The following DENND2B variants were observed in gnomAD, a reference collection of about 807,000 sequenced individuals.
DENND2B encodes the protein DENN domain containing 2B, also known as DENN domain-containing protein 2B.
DENND2B carries 32 observed loss-of-function variants against 116.0 expected under a neutral mutation model. That is an observed-to-expected ratio of 0.28 (90% CI 0.21 to 0.37). DENND2B has a LOEUF of 0.37. Ranked by LOEUF, DENND2B falls within the 10% of genes least tolerant of loss-of-function variation. The pLI is 1.00. For missense variants in DENND2B, 1,276 were observed against 1,477.7 expected (o/e 0.86, Z 2.24); for synonymous variants, 588 against 583.9 (o/e 1.01, Z -0.10).
chr11:8,702,837 T>C lies in DENND2B; in HGVS notation c.2572-117A>G. Reference sequence around the variant, plus strand: ...TCCAACCTGCTCTTTTCCAGGTCTCTCGTCTACCCTGCTATGCAGTAAACC... The same window carrying C: ...TCCAACCTGCTCTTTTCCAGGTCTCCCGTCTACCCTGCTATGCAGTAAACC... On this transcript the variant is annotated intron_variant, in intron 13 of 19. Transcript: ENST00000313726. The surrounding 1 kb of genome is among the most constrained non-coding windows in gnomAD (Gnocchi z 4.6). 2 of 1,295,200 alleles carry C rather than the reference T, an allele frequency of 1.5e-6. No homozygotes were observed. Among genetic ancestry groups the C allele is most frequent in the Non-Finnish European group, 2.1e-6 (2 of 941,464 alleles). The allele number at this position is 1,295,200 out of a possible 1,614,324, so 80.2% of individuals were successfully genotyped here.
chr11:8,782,885 T>G (rs1593623176), intron 1 of DENND2B, among the ~76,000 whole-genome samples: 1 of 61,154 alleles, frequency 1.6e-5, no homozygotes, highest in Non-Finnish European at 3.1e-5. Context: ...AGACTCTGTC[T>G]CAAAAAAAAA....
intron 1 of DENND2B, among the ~76,000 whole-genome samples, chr11:8,769,176 G>C (rs2056422183): frequency 6.6e-6 from 1 of 151,482 alleles, no homozygotes; most frequent in African/African-American, 2.4e-5. Flanking sequence ...TCTAGTGCCA[G>C]CAGAGAACCA....
intron 3 of DENND2B, among the ~76,000 whole-genome samples, chr11:8,844,235 A>G (rs569773532): frequency 1.4e-3 from 170 of 124,250 alleles, no homozygotes; most frequent in African/African-American, 4.5e-3. Flanking sequence ...CCTCAGCTCC[A>G]CAAAAAAATC....
At position 8,712,543 on chromosome 11, in the gene DENND2B, G is replaced by A; in HGVS notation, c.2172+8C>T. ...ATATGGGCAAGGTGGGGAGAGAGAA[G>A]GCCTCACCTTGGGAAACTGGTAGGA... On this transcript the variant is annotated splice_region_variant and intron_variant, in intron 9 of 19. Transcript: ENST00000313726. This position sits in a 1 kb window ranked among gnomAD's most constrained non-coding sequence, Gnocchi z 4.4. 6.5e-7 allele frequency: 1 copy of A among 1,550,240 alleles called. No homozygotes were observed. Among genetic ancestry groups the A allele is most frequent in the East Asian group, 2.4e-5 (1 of 40,900 alleles).
At position 8,870,878 on chromosome 11, in the gene DENND2B, GA is replaced by G. The variant is rs557348718; in HGVS notation, c.-250+75del. On this transcript the variant is annotated intron_variant, in intron 2 of 6. Coordinates refer to the DENND2B transcript ENST00000524757. ...CGGGGCCGGGAGTCGGGAGCAGAGG[GA>G]AAAGGGCTGGGAGGGCAGGGGCGGG... 667 of 152,328 alleles carry G rather than the reference GA, an allele frequency of 4.4e-3. 9 individuals carry two copies. Among genetic ancestry groups the G allele is most frequent in the African/African-American group, 0.015 (630 of 41,550 alleles). The allele number at this position is 152,328 out of a possible 1,614,324, so 9.4% of individuals were successfully genotyped here.
chr11:8,848,128 C>CA (rs1380570012), intron 3 of DENND2B, among the ~76,000 whole-genome samples: 2 of 152,112 alleles, frequency 1.3e-5, no homozygotes. Flanking sequence ...GCAAAGGATA[C>CA]AATTAAAGTC....
chr11:8,737,615 T>A lies in DENND2B; in HGVS notation c.81-6406A>T, dbSNP rs140868971. On this transcript the variant is annotated intron_variant, in intron 2 of 19. Transcript: ENST00000313726. ...CTAAAAAAGGAACAAAGAAATGGGA[T>A]GGTAGCTGGAGAAGAATATGGCATA... Among the ~76,000 whole-genome samples the A allele has an allele frequency of 7.3e-3, 1,104 of 152,270 alleles. 5 individuals are homozygous for A. Among genetic ancestry groups the A allele is most frequent in the Middle Eastern group, 0.031 (9 of 294 alleles).
chr11:8,698,374 A>G (rs758546654), intron 16 of DENND2B, among the ~76,000 whole-genome samples: 1 of 152,124 alleles, frequency 6.6e-6, no homozygotes, highest in Non-Finnish European at 1.5e-5. Context: ...CCACATCACT[A>G]TGCCTGGTAC....
intron 1 of DENND2B, chr11:8,808,979 A>C (rs1435666251): frequency 6.6e-6 from 1 of 152,178 alleles, no homozygotes; most frequent in Non-Finnish European, 1.5e-5. Context: ...GGATGGTAAA[A>C]TTGAAGAGCT....
intron 1 of DENND2B, among the ~76,000 whole-genome samples, chr11:8,893,864 C>T (rs1276017043): frequency 1.3e-5 from 2 of 152,050 alleles, no homozygotes; most frequent in Non-Finnish European, 2.9e-5. Context: ...ATGAAGCTAC[C>T]AACGACTTTC....
intron 1 of DENND2B, among the ~76,000 whole-genome samples, chr11:8,893,310 T>C (rs967529904): frequency 6.6e-6 from 1 of 152,162 alleles, no homozygotes; most frequent in Non-Finnish European, 1.5e-5. Flanking sequence ...GGGCAAAAAC[T>C]GGAAGCATTC....
chr11:8,834,660 T>C (rs915666123), intron 4 of DENND2B, among the ~76,000 whole-genome samples: 5 of 152,192 alleles, frequency 3.3e-5, no homozygotes, highest in African/African-American at 9.7e-5. Context: ...TGGAAGCACT[T>C]TTCTTCCTCT....
At chr11:8,786,180 A>G (rs146089575) in intron 1 of DENND2B, among the ~76,000 whole-genome samples, 400 of 152,312 alleles carry the variant, frequency 2.6e-3, no homozygotes, top group Non-Finnish European at 4.9e-3. Context: ...AGCTCCTCAC[A>G]GAGTGGTTTT....
rs763819932 is a variant in DENND2B, at chr11:8,702,951, G to T, written c.2572-231C>A. The T allele has an allele frequency of 2.0e-4, 110 of 538,834 alleles. No homozygotes were observed. In the Middle Eastern group the frequency reaches 2.5e-3, roughly 12 times the overall value. 33.4% of individuals were successfully genotyped at this position (538,834 alleles called of 1,614,324 possible). A position where few individuals can be genotyped will look rare whatever the true frequency, so the allele number is the denominator to read the frequency against. ...CAAGAGGGCTGCCTGTGAAAGCGGG[G>T]AAGGCTCCAGAAGGAAGGAGTTGAG... On this transcript the variant is annotated intron_variant, in intron 13 of 19. Coordinates refer to ENST00000313726, the MANE Select transcript of DENND2B (RefSeq NM_213618.2). The surrounding 1 kb of genome is among the most constrained non-coding windows in gnomAD (Gnocchi z 4.6).
chr11:8,855,948 T>C (rs116922139), intron 3 of DENND2B, among the ~76,000 whole-genome samples: 1,558 of 152,244 alleles, frequency 0.01, 16 homozygotes, highest in Non-Finnish European at 0.014. Context: ...GTCAACCAGC[T>C]AGAGAATTGG....
At chr11:8,899,223 C>A (rs573349950) in intron 1 of DENND2B, among the ~76,000 whole-genome samples, 5 of 151,954 alleles carry the variant, frequency 3.3e-5, no homozygotes, top group Non-Finnish European at 2.9e-5. Flanking sequence ...TGAGAGATAC[C>A]ACCAAACATA....
Position 8,750,620 on chromosome 11 carries a change from C to T in DENND2B, c.80+1G>A. On this transcript the variant is annotated splice_donor_variant, in intron 2 of 19. Coordinates refer to ENST00000313726, the MANE Select transcript of DENND2B (RefSeq NM_213618.2). LOFTEE classifies it high-confidence loss of function. ...CCTCCCACAAGTGCTCCCTTACCCA[C>T]CTGCTCAGAGTCCCCCGAGGGGCTT... is the stretch of plus-strand genomic sequence containing the variant. 6.2e-7 allele frequency: 1 copy of T among 1,614,080 alleles called. No homozygotes were observed. Among genetic ancestry groups the T allele is most frequent in the Non-Finnish European group, 8.5e-7 (1 of 1,179,970 alleles).
At chr11:8,719,046 C>T (rs2045651422) in intron 4 of DENND2B, 1 of 985,584 alleles carries the variant, frequency 1.0e-6, no homozygotes, top group Non-Finnish European at 1.2e-6. Flanking sequence ...CAGGATTGAG[C>T]CTGGGTGCCA....
At position 8,730,382 on chromosome 11, in the gene DENND2B, A is replaced by G. The variant is rs757789061; in HGVS notation, c.908T>C (p.Leu303Pro). The G allele has an allele frequency of 1.9e-6, 3 of 1,604,652 alleles. No homozygotes were observed. The African/African-American group carries it at 4.0e-5, about 21-fold the overall frequency. ...KEQPGRGLPQ[L>P]PSSCYSVDRG... ...GTCCACGCTGTAGCAGCTGCTGGGG[A>G]GCTGGGGGAGCCCCCGGCCCGGCTG... The change falls in exon 3 of 20, where the codon CTC (leucine) becomes CCC (proline). Residue 303 changes from leucine (L) to proline (P), a missense_variant. Physicochemically the swap from Leu to Pro is moderately conservative, Grantham distance 98. Coordinates refer to ENST00000313726, the MANE Select transcript of DENND2B (RefSeq NM_213618.2). The surrounding 1 kb of genome is among the most constrained non-coding windows in gnomAD (Gnocchi z 4.1).
Sources: gnomAD v4.1 joint callset for allele counts (sites outside exome capture counted in the v4.1 genomes callset) on GRCh38, gnomAD v4.1.1 for gene constraint, Gnocchi (gnomAD v3.1) non-coding constraint, MANE v1.5 for transcripts, NCBI Gene and HGNC (gene_info 2026-07-23, HGNC 2026-07-21) for gene names.